Variants in PPP1R16A observed in about 807,000 individuals in gnomAD.
PPP1R16A encodes the protein protein phosphatase 1 regulatory subunit 16A.
In PPP1R16A, 39 loss-of-function variants were observed where a neutral mutation model predicts 46.6. That is an observed-to-expected ratio of 0.84 (90% CI 0.65 to 1.09). The LOEUF is 1.09. Among genes scored for constraint, PPP1R16A ranks in the 50% least tolerant of loss-of-function variants. PPP1R16A has a pLI of 0.00. For synonymous variants in PPP1R16A, 413 were observed against 321.5 expected, an observed-to-expected ratio of 1.28 and a Z score of -3.04; for missense variants, 798 against 735.6, an observed-to-expected ratio of 1.08 and a Z score of -0.98.
chr8:144,482,087 C>T (rs1825455928), intron 1 of PPP1R16A, among the ~76,000 whole-genome samples: 1 of 152,032 alleles, frequency 6.6e-6, no homozygotes, highest in Non-Finnish European at 1.5e-5. Context: ...CCGCCGCCGC[C>T]GCCGCCGCCT....
At chr8:144,501,482 G>T in intron 11 of PPP1R16A, 38 bp from the exon 12 acceptor site, 1 of 1,495,224 alleles carries the variant, frequency 6.7e-7, no homozygotes, top group East Asian at 2.5e-5. Context: ...GAGGGGGGAG[G>T]AGCCTCCTGA....
intron 3 of PPP1R16A, chr8:144,497,798 G>A: frequency 2.3e-6 from 1 of 425,732 alleles, no homozygotes; most frequent in Non-Finnish European, 4.5e-6. Flanking sequence ...GTGGCCGGTA[G>A]TCATTGCTGC....
At chr8:144,489,093 A>G (rs1825709893) in intron 1 of PPP1R16A, among the ~76,000 whole-genome samples, 2 of 149,338 alleles carry the variant, frequency 1.3e-5, no homozygotes, top group South Asian at 4.3e-4. Flanking sequence ...AATTGCAGCT[A>G]CTCAGGAGGC....
intron 5 of PPP1R16A, chr8:144,499,462 G>A (rs544976301): frequency 1.9e-5 from 4 of 213,754 alleles, no homozygotes; most frequent in East Asian, 2.2e-4. Flanking sequence ...GACGTAGAGC[G>A]GGGGGAACTC....
At position 144,496,800 on chromosome 8, in the gene PPP1R16A, G is replaced by C; in HGVS notation, c.-395G>C. ...CCCTGCCCTCCCTTCCCCCTCAGCA[G>C]GGTGCCCGGAAGCTGGAACCTTGTT... On this transcript the variant is annotated 5_prime_UTR_variant, in exon 3 of 12. Coordinates refer to ENST00000435887, the MANE Select transcript of PPP1R16A (RefSeq NM_001329443.2). 1 of 275,116 alleles carries C rather than the reference G, an allele frequency of 3.6e-6. No individual in the cohort carries two copies. Among genetic ancestry groups the C allele is most frequent in the Non-Finnish European group, 7.1e-6 (1 of 139,914 alleles). 17.0% of individuals were successfully genotyped at this position (275,116 alleles called of 1,614,324 possible).
Position 144,478,007 on chromosome 8 carries a change from G to C in PPP1R16A, c.-1034G>C. On this transcript the variant is annotated 5_prime_UTR_variant, in exon 1 of 12. Coordinates refer to ENST00000435887, the MANE Select transcript of PPP1R16A (RefSeq NM_001329443.2). ...ATGGGTACCGCGGGCCGGAAGTGTA[G>C]CGTTGCCATGGCGAGGGCCGGGTGC... The C allele has an allele frequency of 2.5e-6, 1 of 393,640 alleles. No homozygotes were observed. Among genetic ancestry groups the C allele is most frequent in the Non-Finnish European group, 4.5e-6 (1 of 222,696 alleles). The allele number at this position is 393,640 out of a possible 1,614,324, so 24.4% of individuals were successfully genotyped here.
intron 1 of PPP1R16A, among the ~76,000 whole-genome samples, chr8:144,481,266 C>T (rs1324685162): frequency 2.6e-5 from 4 of 152,158 alleles, no homozygotes; most frequent in African/African-American, 7.2e-5. Context: ...CTCTCGTGCT[C>T]CTCTGTGGTA....
At chr8:144,501,104 A>G (rs1483606058) in intron 10 of PPP1R16A, 25 bp from the exon 11 acceptor site, 4 of 1,606,186 alleles carry the variant, frequency 2.5e-6, no homozygotes, top group Non-Finnish European at 3.4e-6. Flanking sequence ...CCTTCCCCTC[A>G]CTCCCTCTCC....
chr8:144,490,822 A>C (rs377592686), intron 2 of PPP1R16A, among the ~76,000 whole-genome samples: 4 of 152,208 alleles, frequency 2.6e-5, no homozygotes, highest in East Asian at 1.9e-4. Context: ...TGGGAGGCTG[A>C]GGCAGGAGGG....
At chr8:144,495,836 TG>T (rs1227263417) in intron 2 of PPP1R16A, 2 of 152,360 alleles carry the variant, frequency 1.3e-5, no homozygotes, top group Admixed American at 6.5e-5. Context: ...TAGGCAGGGT[TG>T]TGCCCCAGCC....
At chr8:144,482,466 C>CA (rs1238776645) in intron 1 of PPP1R16A, among the ~76,000 whole-genome samples, 1 of 152,140 alleles carries the variant, frequency 6.6e-6, no homozygotes, top group Non-Finnish European at 1.5e-5. Context: ...TGGCTCACTG[C>CA]AACCTCCACC....
Position 144,501,914 on chromosome 8 carries a change from C to T in PPP1R16A, c.*11C>T, listed in dbSNP as rs1033434526. 1 of 1,509,354 alleles carries T rather than the reference C, an allele frequency of 6.6e-7. No individual in the cohort carries two copies. The highest frequency in any genetic ancestry group is 8.9e-7 in the Non-Finnish European group (1 of 1,128,778). 93.5% of individuals were successfully genotyped at this position (1,509,354 alleles called of 1,614,324 possible). Reference sequence around the variant, plus strand: ...TGCCTGCTCATGTGAGGCTGTTGCTCAGCATGCAGGGGCCCTGTCGCGGGC... The same window carrying T: ...TGCCTGCTCATGTGAGGCTGTTGCTTAGCATGCAGGGGCCCTGTCGCGGGC... On this transcript the variant is annotated 3_prime_UTR_variant, in exon 12 of 12. Transcript: ENST00000435887.
Position 144,497,272 on chromosome 8 carries a change from C to G in PPP1R16A, c.78C>G (p.Ala26=). ...GCACACAGGAGCGGCTGAAGCATGC[C>G]CAGAAGCGGCGCGCCCAGCAGGTGA... ...RMSTQERLKH[A]QKRRAQQVKM... is the part of the protein sequence containing the mutation. Residue 26 remains alanine (A), a synonymous_variant, in exon 3 of 12, where the codon GCC becomes GCG. Transcript: ENST00000435887. 1 of 1,610,646 alleles carries G rather than the reference C, an allele frequency of 6.2e-7. No homozygotes were observed.
chr8:144,480,052 G>A (rs147259342), intron 1 of PPP1R16A, among the ~76,000 whole-genome samples: 173 of 152,316 alleles, frequency 1.1e-3, no homozygotes, highest in Non-Finnish European at 2.1e-3. Flanking sequence ...ATTAAAACAA[G>A]GTGATGAGAT....
intron 2 of PPP1R16A, among the ~76,000 whole-genome samples, chr8:144,491,017 G>A (rs1480685121): frequency 3.3e-5 from 5 of 151,828 alleles, no homozygotes; most frequent in Admixed American, 2.6e-4. Flanking sequence ...TGTGACGGCA[G>A]CACTGCACTC....
At chr8:144,498,690 C>T (rs1186280773) in intron 3 of PPP1R16A, 80 bp from the exon 4 acceptor site, 7 of 1,401,582 alleles carry the variant, frequency 5.0e-6, no homozygotes, top group East Asian at 2.3e-5. Flanking sequence ...CTTGTCCTTC[C>T]CTGGGTCCTG....
intron 1 of PPP1R16A, among the ~76,000 whole-genome samples, chr8:144,480,827 A>T (rs564441609): frequency 1.3e-5 from 2 of 151,628 alleles, no homozygotes; most frequent in South Asian, 4.2e-4. Context: ...GGTGTAACTT[A>T]CAGTAAGATG....
At chr8:144,478,578 A>G (rs1796067363) in intron 1 of PPP1R16A, 1 of 157,420 alleles carries the variant, frequency 6.4e-6, no homozygotes, top group African/African-American at 2.4e-5. Context: ...AATTGTCTTC[A>G]TTTTCAGATG....
In PPP1R16A at chr8:144,498,992, A is replaced by G; in HGVS notation, c.407A>G (p.Glu136Gly). Reference protein sequence around the residue: ...AGANINACDSECWTPLHAAAT... With the variant: ...AGANINACDSGCWTPLHAAAT... The stretch of plus-strand genomic sequence containing the variant: ...GCCAACATCAATGCCTGTGACAGTG[A>G]GTGCTGGACGCCTCTGCATGCTGCG... Residue 136 changes from glutamate (E) to glycine (G), a missense_variant, in exon 5 of 12, where the codon GAG becomes GGG. Physicochemically the swap from Glu to Gly is moderately conservative, Grantham distance 98. Coordinates refer to ENST00000435887, the MANE Select transcript of PPP1R16A (RefSeq NM_001329443.2). 6.2e-7 allele frequency: 1 copy of G among 1,609,894 alleles called. No homozygotes were observed. The highest frequency in any genetic ancestry group is 1.7e-4 in the Middle Eastern group (1 of 6,016).
Sources: gnomAD v4.1 joint callset for allele counts (sites outside exome capture counted in the v4.1 genomes callset) on GRCh38, gnomAD v4.1.1 for gene constraint, MANE v1.5 for transcripts, NCBI Gene and HGNC (gene_info 2026-07-23, HGNC 2026-07-21) for gene names.